The following LCOR variants were observed in gnomAD, a reference collection of about 807,000 sequenced individuals.
LCOR encodes the protein ligand-dependent corepressor.
A neutral mutation model predicts 64.4 loss-of-function variants in LCOR; 14 were observed. The ratio of observed to expected loss-of-function variants is 0.22; its 90% CI spans 0.14 to 0.34. LCOR has a LOEUF of 0.34. Among genes scored for constraint, LCOR ranks in the 10% least tolerant of loss-of-function variants. The pLI is 1.00. For synonymous variants in LCOR, 643 were observed against 642.5 expected (o/e 1.00, Z -0.01); for missense variants, 1,686 against 1,765.3 (o/e 0.96, Z 0.80).
rs544561966 is a variant in LCOR at position 96,952,742 on chromosome 10, T to G, written c.332+546T>G. ...ATTACTTGCTCAGTTTTGATAACTC[T>G]TAGGAGTCTAAAGTAAATTCTCTGA... On this transcript the variant is annotated intron_variant, in intron 7 of 7. Transcript: ENST00000421806. Among the ~76,000 whole-genome samples, 5 of 152,326 alleles carry G rather than the reference T, an allele frequency of 3.3e-5. No individual in the cohort carries two copies. In the East Asian group the frequency reaches 9.6e-4, roughly 29 times the overall value.
chr10:96,957,958 G>C, intron 7 of LCOR: 2 of 987,426 alleles, frequency 2.0e-6, no homozygotes, highest in Non-Finnish European at 1.2e-6. Context: ...CACCTAGCTG[G>C]AAGTTGCAAT....
At chr10:96,914,318 C>G (rs1171354538) in intron 4 of LCOR, among the ~76,000 whole-genome samples, 1 of 152,080 alleles carries the variant, frequency 6.6e-6, no homozygotes, top group Non-Finnish European at 1.5e-5. Context: ...TGCCTTAGCC[C>G]CCCTGAGTAG....
At chr10:96,902,376 G>A (rs183012981) in intron 2 of LCOR, among the ~76,000 whole-genome samples, 37 of 152,308 alleles carry the variant, frequency 2.4e-4, no homozygotes, top group African/African-American at 7.5e-4. Context: ...GGGAGAATGT[G>A]CTCAGGAGGA....
At chr10:96,956,125 A>G in intron 7 of LCOR, 4 of 1,385,248 alleles carry the variant, frequency 2.9e-6, no homozygotes, top group Non-Finnish European at 2.8e-6. Context: ...GGCTCGGAAT[A>G]TGTTTGGCCT....
In LCOR at chr10:96,949,246, A is replaced by T; in HGVS notation, c.189A>T (p.Ser63=). The T allele has an allele frequency of 6.2e-7, 1 of 1,613,934 alleles. No individual in the cohort carries two copies. Among genetic ancestry groups the T allele is most frequent in the Non-Finnish European group, 8.5e-7 (1 of 1,179,992 alleles). The change falls in exon 6 of 8, where the codon TCA becomes TCT. Residue 63 remains serine (S), a synonymous_variant. Transcript: ENST00000421806. Reference sequence around the variant, plus strand: ...AACTTCTCATGGCTGACCAAGACTCACCTCTGGACCTTACTGTCAGAAAGT... The same window carrying T: ...AACTTCTCATGGCTGACCAAGACTCTCCTCTGGACCTTACTGTCAGAAAGT... ...LSKLLMADQD[S]PLDLTVRKSQ...
At chr10:96,967,859 A>C (rs776815615) in intron 7 of LCOR, among the ~76,000 whole-genome samples, 1 of 152,180 alleles carries the variant, frequency 6.6e-6, no homozygotes, top group Non-Finnish European at 1.5e-5. Flanking sequence ...TATTATGTGC[A>C]GGGTAGGTGT....
At chr10:96,848,051 A>G (rs1845662592) in intron 2 of LCOR, among the ~76,000 whole-genome samples, 1 of 152,252 alleles carries the variant, frequency 6.6e-6, no homozygotes, top group South Asian at 2.1e-4. Context: ...TTAAAACCAT[A>G]TGAAGTTGTT....
chr10:96,915,973 A>G, intron 4 of LCOR: 1 of 280,660 alleles, frequency 3.6e-6, no homozygotes, highest in Admixed American at 4.2e-5. Flanking sequence ...TTGGTAGTCC[A>G]AGGGTCATTC....
chr10:96,957,721 C>T (rs1250277613), intron 7 of LCOR: 20 of 985,206 alleles, frequency 2.0e-5, no homozygotes, highest in Non-Finnish European at 2.4e-5. Context: ...TTAAGTTTTC[C>T]CTCAGCAACC....
intron 4 of LCOR, chr10:96,915,994 T>C: frequency 5.0e-6 from 1 of 199,482 alleles, no homozygotes; most frequent in Non-Finnish European, 1.0e-5. Context: ...TCACCTCTTC[T>C]TCACACTGTT....
At chr10:96,900,206 C>G (rs183848667) in intron 2 of LCOR, among the ~76,000 whole-genome samples, 1 of 152,010 alleles carries the variant, frequency 6.6e-6, no homozygotes, top group South Asian at 2.1e-4. Flanking sequence ...CCTTTTTTCA[C>G]CTAACACAAT....
chr10:96,937,038 G>T (rs1847363232), intron 4 of LCOR, among the ~76,000 whole-genome samples: 1 of 152,180 alleles, frequency 6.6e-6, no homozygotes, highest in African/African-American at 2.4e-5. Flanking sequence ...GATAAGAGGG[G>T]ACCACTGTAA....
At chr10:96,950,549 G>A (rs1847660767) in intron 6 of LCOR, among the ~76,000 whole-genome samples, 1 of 152,066 alleles carries the variant, frequency 6.6e-6, no homozygotes, top group South Asian at 2.1e-4. Context: ...ATTAATGGAG[G>A]TTAACATAAA....
chr10:96,892,406 TA>T (rs894286664), intron 2 of LCOR, among the ~76,000 whole-genome samples: 29 of 152,112 alleles, frequency 1.9e-4, no homozygotes, highest in South Asian at 1.0e-3. Context: ...AAGTGGCTTA[TA>T]AAAAAAATTA....
At chr10:96,876,409 A>G (rs1257668653) in intron 2 of LCOR, among the ~76,000 whole-genome samples, 1 of 152,246 alleles carries the variant, frequency 6.6e-6, no homozygotes, top group Non-Finnish European at 1.5e-5. Flanking sequence ...AACACATGAA[A>G]TTTGGGGATA....
chr10:96,914,970 G>A (rs1300129968), intron 4 of LCOR, among the ~76,000 whole-genome samples: 1 of 152,206 alleles, frequency 6.6e-6, no homozygotes, highest in Non-Finnish European at 1.5e-5. Context: ...GTGTTGAAAG[G>A]TGGAAAGGGA....
chr10:96,942,629 A>G (rs1224752144), intron 4 of LCOR, among the ~76,000 whole-genome samples: 1 of 152,230 alleles, frequency 6.6e-6, no homozygotes, highest in Non-Finnish European at 1.5e-5. Context: ...TTTACAATAT[A>G]TAATCCATGC....
At chr10:96,908,576 T>C (rs1357945800) in intron 4 of LCOR, among the ~76,000 whole-genome samples, 1 of 152,230 alleles carries the variant, frequency 6.6e-6, no homozygotes, top group Non-Finnish European at 1.5e-5. Context: ...GTTTTATTGC[T>C]TTGTTTTAAA....
chr10:96,875,346 C>G (rs1846145315), intron 2 of LCOR, among the ~76,000 whole-genome samples: 1 of 151,822 alleles, frequency 6.6e-6, no homozygotes. Flanking sequence ...GTACTCCAGC[C>G]TGGGCGACAG....
Sources: gnomAD v4.1 joint callset for allele counts (sites outside exome capture counted in the v4.1 genomes callset) on GRCh38, gnomAD v4.1.1 for gene constraint, MANE v1.5 for transcripts, NCBI Gene and HGNC (gene_info 2026-07-23, HGNC 2026-07-21) for gene names.